Variants in SLC17A5 observed in about 807,000 individuals in gnomAD.
SLC17A5 encodes the protein sialin.
Under a neutral mutation model 59.4 loss-of-function variants are expected in SLC17A5, and 47 were observed. That is an observed-to-expected ratio of 0.79 (90% confidence interval 0.63 to 1.01). The LOEUF (loss-of-function observed/expected upper bound fraction) is 1.01, where lower values mean the gene tolerates loss of function less well. Among genes scored for constraint, SLC17A5 ranks in the 50% least tolerant of loss-of-function variants. SLC17A5 has a pLI of 0.00. For missense variants in SLC17A5, 522 were observed against 595.5 expected (o/e 0.88, Z 1.28); for synonymous variants, 202 against 210.7 (o/e 0.96, Z 0.36).
intron 1 of SLC17A5, among the ~76,000 whole-genome samples, chr6:73,648,670 T>A (rs145606333): frequency 6.6e-6 from 1 of 152,184 alleles, no homozygotes; most frequent in South Asian, 2.1e-4. Context: ...GAGAAAGTTA[T>A]GCCAATAAGA....
Position 73,614,567 on chromosome 6 carries a change from T to C in SLC17A5, c.1111+748A>G, listed in dbSNP as rs1767772378. Among the ~76,000 whole-genome samples the C allele has an allele frequency of 2.6e-5, 4 of 152,174 alleles. No homozygotes were observed. The South Asian group carries it at 8.3e-4, about 32-fold the overall frequency. ...TGGGGGTCCCCATACAGCTTCAGGA[T>C]GGTGGCTGGATTAGAGGTCTGGGAC... On this transcript the variant is annotated intron_variant, in intron 8 of 10. Coordinates refer to ENST00000355773, the MANE Select transcript of SLC17A5 (RefSeq NM_012434.5).
intron 1 of SLC17A5, among the ~76,000 whole-genome samples, chr6:73,648,752 A>G (rs983770418): frequency 6.6e-6 from 1 of 152,132 alleles, no homozygotes; most frequent in Non-Finnish European, 1.5e-5. Flanking sequence ...GACAGTGGAG[A>G]CAGTCAGAGA....
rs763827160 is a variant in SLC17A5, at chr6:73,641,856, G to T, written c.360C>A (p.Ile120=). 2.5e-6 allele frequency: 4 copies of T among 1,614,134 alleles called. No homozygotes were observed. Among genetic ancestry groups the T allele is most frequent in the Non-Finnish European group, 1.7e-6 (2 of 1,180,034 alleles). Residue 120 remains isoleucine (I), a synonymous_variant, in exon 3 of 11, where the codon ATC becomes ATA. Coordinates refer to ENST00000355773, the MANE Select transcript of SLC17A5 (RefSeq NM_012434.5). The part of the protein sequence containing the change: ...WILGSFFYGY[I]ITQIPGGYVA... ...CATATCCTCCAGGAATCTGTGTGAT[G>T]ATGTAGCCATAAAAAAAGGAACCGA... is the stretch of plus-strand genomic sequence containing the variant.
At chr6:73,602,440 A>G (rs1000705002) in intron 9 of SLC17A5, among the ~76,000 whole-genome samples, 1 of 133,982 alleles carries the variant, frequency 7.5e-6, no homozygotes, top group African/African-American at 3.0e-5. Flanking sequence ...ATCAATAAAA[A>G]AAATAAAAAT....
intron 7 of SLC17A5, among the ~76,000 whole-genome samples, chr6:73,616,308 C>T (rs1264120310): frequency 1.3e-5 from 2 of 152,124 alleles, no homozygotes; most frequent in Admixed American, 1.3e-4. Context: ...GCATTAACCT[C>T]GTTTTGGTGT....
rs546464533 is a variant in SLC17A5 at position 73,632,416 on chromosome 6, A to G, written c.819+2966T>C. On this transcript the variant is annotated intron_variant, in intron 6 of 10. Coordinates refer to ENST00000355773, the MANE Select transcript of SLC17A5 (RefSeq NM_012434.5). Reference sequence around the variant, plus strand: ...CCTAAGTTTGGAGAGATTAAGACACATATCGATGTAGAGAAAGCTTTTTTT... The same window carrying G: ...CCTAAGTTTGGAGAGATTAAGACACGTATCGATGTAGAGAAAGCTTTTTTT... 1.4e-5 allele frequency among the ~76,000 whole-genome samples: 2 copies of G among 145,834 alleles called. 1 individual carries two copies. Among genetic ancestry groups the G allele is most frequent in the African/African-American group, 5.1e-5 (2 of 39,376 alleles).
At chr6:73,626,839 T>C (rs574085920) in intron 6 of SLC17A5, among the ~76,000 whole-genome samples, 21 of 152,294 alleles carry the variant, frequency 1.4e-4, no homozygotes, top group African/African-American at 4.8e-4. Context: ...TGGAGCGATC[T>C]CGGCTCACTA....
intron 1 of SLC17A5, among the ~76,000 whole-genome samples, chr6:73,651,460 C>CAAAA (rs538079302): frequency 1.7e-4 from 5 of 29,890 alleles, no homozygotes; most frequent in Admixed American, 5.0e-4. Flanking sequence ...AACTCCGTCT[C>CAAAA]AAAAAAAAAA....
chr6:73,640,787 A>T (rs1223502999), intron 3 of SLC17A5, among the ~76,000 whole-genome samples: 3 of 152,124 alleles, frequency 2.0e-5, no homozygotes, highest in African/African-American at 7.2e-5. Context: ...AAAGACAAGA[A>T]TCAAAATTTT....
At chr6:73,624,206 C>G (rs1027305958) in intron 6 of SLC17A5, among the ~76,000 whole-genome samples, 11 of 151,350 alleles carry the variant, frequency 7.3e-5, no homozygotes, top group African/African-American at 2.4e-4. Flanking sequence ...CAGTTCGAGA[C>G]CAACCTGGGC....
At chr6:73,636,418 A>C (rs1769002398) in intron 5 of SLC17A5, among the ~76,000 whole-genome samples, 1 of 152,166 alleles carries the variant, frequency 6.6e-6, no homozygotes, top group Non-Finnish European at 1.5e-5. Context: ...AGTCATTTCT[A>C]CTGAGAAATA....
intron 1 of SLC17A5, chr6:73,653,292 T>C (rs1769955058): frequency 7.1e-6 from 7 of 985,462 alleles, no homozygotes; most frequent in Non-Finnish European, 8.4e-6. Context: ...GGATACGCAG[T>C]GGCGGAAACC....
At chr6:73,601,804 G>A (rs1332841665) in intron 9 of SLC17A5, among the ~76,000 whole-genome samples, 25 of 141,192 alleles carry the variant, frequency 1.8e-4, no homozygotes, top group Non-Finnish European at 3.0e-4. Flanking sequence ...CGCTCCGTCC[G>A]GGAGGGAGGT....
rs12201641 is a variant in SLC17A5 at position 73,621,965 on chromosome 6, G to A, written c.820-3C>T. The A allele has an allele frequency of 6.3e-3, 10,230 of 1,613,694 alleles. 48 individuals are homozygous for A. Among genetic ancestry groups the A allele is most frequent in the Non-Finnish European group, 7.6e-3 (8,918 of 1,179,682 alleles). On this transcript the variant is annotated splice_polypyrimidine_tract_variant and splice_region_variant and intron_variant, in intron 6 of 10. Coordinates refer to ENST00000355773, the MANE Select transcript of SLC17A5 (RefSeq NM_012434.5). ...GGCACTGACTTCTGTGAAGAAAGCT[G>A]AAGAAAACAGGAATAATTAGGATAA...
At chr6:73,653,174 T>G in intron 1 of SLC17A5, 7 of 985,426 alleles carry the variant, frequency 7.1e-6, no homozygotes, top group Non-Finnish European at 8.4e-6. Flanking sequence ...AATGTCAAGA[T>G]ATCAGCTGGG....
At chr6:73,635,939 C>A (rs990354874) in intron 5 of SLC17A5, among the ~76,000 whole-genome samples, 1 of 152,030 alleles carries the variant, frequency 6.6e-6, no homozygotes, top group Non-Finnish European at 1.5e-5. Flanking sequence ...TGGGGTTCCA[C>A]CATGTTGGCC....
chr6:73,653,018 T>C, intron 1 of SLC17A5: 1 of 983,204 alleles, frequency 1.0e-6, no homozygotes, highest in African/African-American at 1.7e-5. Flanking sequence ...ATGACGTACC[T>C]GCTTTTCGAT....
intron 6 of SLC17A5, among the ~76,000 whole-genome samples, chr6:73,625,653 A>G (rs1188317810): frequency 6.8e-6 from 1 of 146,972 alleles, no homozygotes; most frequent in Admixed American, 6.8e-5. Context: ...AACAAAAACA[A>G]GTAAGGCAAA....
rs1769984400 is a variant in SLC17A5, at chr6:73,653,791, A to T, written c.94+2T>A. 1.3e-6 allele frequency: 2 copies of T among 1,585,246 alleles called. No homozygotes were observed. The highest frequency in any genetic ancestry group is 1.7e-6 in the Non-Finnish European group (2 of 1,166,978). Reference sequence around the variant, plus strand: ...AAGCCCCTGGACGACCCCGCCGCTTACCGGCTTCGGCCCGTGGGGCGCCCG... The same window carrying T: ...AAGCCCCTGGACGACCCCGCCGCTTTCCGGCTTCGGCCCGTGGGGCGCCCG... On this transcript the variant is annotated splice_donor_variant, in intron 1 of 10. Transcript: ENST00000355773. LOFTEE classifies it high-confidence loss of function.
Sources: gnomAD v4.1 joint callset for allele counts (sites outside exome capture counted in the v4.1 genomes callset) on GRCh38, gnomAD v4.1.1 for gene constraint, MANE v1.5 for transcripts, NCBI Gene and HGNC (gene_info 2026-07-23, HGNC 2026-07-21) for gene names.